AHCTF1: variants seen among roughly 807,000 people sequenced by gnomAD.
AHCTF1 encodes protein ELYS.
In AHCTF1, 24 loss-of-function variants were observed where a neutral mutation model predicts 248.4. That is an observed-to-expected ratio of 0.10 (90% CI 0.07 to 0.14). The LOEUF is 0.14. Among genes scored for constraint, AHCTF1 ranks in the 10% least tolerant of loss-of-function variants. The pLI is 1.00. For missense variants in AHCTF1, 2,206 were observed against 2,636.2 expected, an observed-to-expected ratio of 0.84 and a Z score of 3.57; for synonymous variants, 786 against 929.8, an observed-to-expected ratio of 0.85 and a Z score of 2.81.
chr1:246,867,906 CA>C lies in AHCTF1; in HGVS notation c.3089-96del, dbSNP rs1251476407. Reference sequence around the variant, plus strand: ...GAATGATTACACCCCCCCCCCCACACACACACACACACACATTACGTGGTAA... The same window carrying C: ...GAATGATTACACCCCCCCCCCCACACCACACACACACACATTACGTGGTAA... On this transcript the variant is annotated intron_variant, in intron 24 of 35. Transcript: ENST00000648844. 77 of 328,148 alleles carry C rather than the reference CA, an allele frequency of 2.3e-4. 2 individuals carry two copies. The African/African-American group carries it at 4.0e-3, about 17-fold the overall frequency. The allele number at this position is 328,148 out of a possible 1,614,324, so 20.3% of individuals were successfully genotyped here.
At chr1:246,887,434 C>T in intron 19 of AHCTF1, 77 bp from the exon 20 acceptor site, 1 of 1,378,556 alleles carries the variant, frequency 7.3e-7, no homozygotes, top group Non-Finnish European at 9.9e-7. Flanking sequence ...TAGGTAGCAA[C>T]AAAATGTAGC....
chr1:246,880,472 G>A (rs1376277932), intron 21 of AHCTF1, among the ~76,000 whole-genome samples: 2 of 150,722 alleles, frequency 1.3e-5, no homozygotes, highest in African/African-American at 2.4e-5. Context: ...CCTGAGGCAG[G>A]AGAATCACTT....
At chr1:246,919,470 T>C (rs1347269769) in intron 1 of AHCTF1, among the ~76,000 whole-genome samples, 1 of 152,002 alleles carries the variant, frequency 6.6e-6, no homozygotes, top group Non-Finnish European at 1.5e-5. Flanking sequence ...TCCCAGCACT[T>C]TGGGAGGCTG....
At chr1:246,901,298 G>C (rs766026947) in intron 8 of AHCTF1, among the ~76,000 whole-genome samples, 1 of 152,160 alleles carries the variant, frequency 6.6e-6, no homozygotes, top group South Asian at 2.1e-4. Context: ...ACGAGATCGT[G>C]CAAGTGCACT....
At chr1:246,879,099 ATACAAAGCGGC>A (rs1303418055) in intron 21 of AHCTF1, among the ~76,000 whole-genome samples, 1 of 152,218 alleles carries the variant, frequency 6.6e-6, no homozygotes, top group African/African-American at 2.4e-5. Flanking sequence ...TCCCTAATGC[ATACAAAGCGGC>A]TATAAATCAG....
intron 3 of AHCTF1, among the ~76,000 whole-genome samples, chr1:246,913,644 G>C (rs1665955660): frequency 6.6e-6 from 1 of 152,168 alleles, no homozygotes; most frequent in Admixed American, 6.6e-5. Context: ...GATGTTGACT[G>C]AGAGCTTACT....
At chr1:246,921,048 C>A (rs895714407) in intron 1 of AHCTF1, among the ~76,000 whole-genome samples, 1 of 152,074 alleles carries the variant, frequency 6.6e-6, no homozygotes, top group Non-Finnish European at 1.5e-5. Flanking sequence ...ACCAAGACCA[C>A]GGCATTGCAC....
chr1:246,883,519 TG>T (rs1663606768), intron 21 of AHCTF1, among the ~76,000 whole-genome samples: 1 of 152,236 alleles, frequency 6.6e-6, no homozygotes, highest in Non-Finnish European at 1.5e-5. Flanking sequence ...GCAATAAACA[TG>T]GCTGCCTTTT....
chr1:246,914,243 G>A (rs145576635), intron 3 of AHCTF1, among the ~76,000 whole-genome samples: 2 of 152,202 alleles, frequency 1.3e-5, no homozygotes, highest in African/African-American at 2.4e-5. Flanking sequence ...TGATTTCTAC[G>A]CTAATACAGG....
At chr1:246,913,865 T>C (rs774340182) in intron 3 of AHCTF1, among the ~76,000 whole-genome samples, 1 of 152,226 alleles carries the variant, frequency 6.6e-6, no homozygotes, top group East Asian at 1.9e-4. Flanking sequence ...TAGGATTCTA[T>C]GGCCTCTTCT....
rs758126238 is a variant in AHCTF1 at position 246,895,815 on chromosome 1, A to G, written c.1714+20T>C. ...TAACTTTAAAAATACCAAACATTTT[A>G]CTTGTTATCAGAATCTTACCTTCTG... is the stretch of plus-strand genomic sequence containing the variant. On this transcript the variant is annotated intron_variant, in intron 13 of 35. Transcript: ENST00000648844. The G allele has an allele frequency of 6.4e-7, 1 of 1,560,714 alleles. No homozygotes were observed. The highest frequency in any genetic ancestry group is 8.8e-7 in the Non-Finnish European group (1 of 1,142,554).
chr1:246,852,627 A>AT (rs1427500037), intron 32 of AHCTF1, among the ~76,000 whole-genome samples: 1 of 152,200 alleles, frequency 6.6e-6, no homozygotes, highest in African/African-American at 2.4e-5. Flanking sequence ...AACTGTATCC[A>AT]TATATTTTCA....
intron 24 of AHCTF1, among the ~76,000 whole-genome samples, chr1:246,870,621 GTAT>G (rs1662521728): frequency 2.0e-5 from 3 of 149,424 alleles, no homozygotes; most frequent in African/African-American, 7.4e-5. Flanking sequence ...AAAGAGAAAA[GTAT>G]AATATGTAAG....
intron 6 of AHCTF1, among the ~76,000 whole-genome samples, chr1:246,904,767 T>C (rs1487547684): frequency 6.6e-6 from 1 of 152,224 alleles, no homozygotes; most frequent in Non-Finnish European, 1.5e-5. Context: ...TGAATTTTAC[T>C]ACTAGTTGAT....
chr1:246,869,234 A>C (rs1662366999), intron 24 of AHCTF1, among the ~76,000 whole-genome samples: 2 of 151,372 alleles, frequency 1.3e-5, no homozygotes, highest in South Asian at 2.1e-4. Flanking sequence ...GCGTGTACTT[A>C]CTCCACTGAC....
chr1:246,914,694 A>T (rs1271980839), intron 3 of AHCTF1, among the ~76,000 whole-genome samples: 3 of 152,142 alleles, frequency 2.0e-5, no homozygotes, highest in Non-Finnish European at 4.4e-5. Context: ...CCTACCCAAA[A>T]AACAGCTAGT....
chr1:246,924,298 T>C (rs1666779382), intron 1 of AHCTF1, among the ~76,000 whole-genome samples: 1 of 152,196 alleles, frequency 6.6e-6, no homozygotes. Flanking sequence ...TTTCTAAAAA[T>C]TAGCATTTCA....
At chr1:246,858,796 T>A (rs1285360721) in intron 29 of AHCTF1, among the ~76,000 whole-genome samples, 12 of 137,594 alleles carry the variant, frequency 8.7e-5, no homozygotes, top group African/African-American at 3.2e-4. Flanking sequence ...CGAAACTCTG[T>A]CTCAAAAAAA....
At chr1:246,917,096 G>A (rs1175080190) in intron 2 of AHCTF1, among the ~76,000 whole-genome samples, 2 of 152,168 alleles carry the variant, frequency 1.3e-5, no homozygotes, top group East Asian at 3.9e-4. Flanking sequence ...ATTTATGCAT[G>A]TTTTTAAATG....
Sources: gnomAD v4.1 joint callset for allele counts (sites outside exome capture counted in the v4.1 genomes callset) on GRCh38, gnomAD v4.1.1 for gene constraint, MANE v1.5 for transcripts, NCBI Gene and HGNC (gene_info 2026-07-23, HGNC 2026-07-21) for gene names.